Variants in DEUP1 observed in about 807,000 individuals in gnomAD.
DEUP1 encodes deuterosome assembly protein 1, also known as coiled-coil domain containing 67.
DEUP1 carries 82 observed loss-of-function variants against 87.4 expected under a neutral mutation model. That is an observed-to-expected ratio of 0.94 (90% confidence interval 0.78 to 1.13). The LOEUF (loss-of-function observed/expected upper bound fraction) is 1.13, where lower values mean the gene tolerates loss of function less well. Ranked by LOEUF, DEUP1 falls within the 50% of genes most tolerant of loss-of-function variation. The probability of loss-of-function intolerance (pLI) is 0.00; values close to 1 mark genes in which losing one functional copy is unlikely to be tolerated. For missense variants in DEUP1, 663 were observed against 681.5 expected, an observed-to-expected ratio of 0.97 and a Z score of 0.30; for synonymous variants, 214 against 222.7, an observed-to-expected ratio of 0.96 and a Z score of 0.35.
At chr11:93,414,405 C>A (rs1004358582) in intron 12 of DEUP1, among the ~76,000 whole-genome samples, 1 of 152,144 alleles carries the variant, frequency 6.6e-6, no homozygotes, top group Admixed American at 6.5e-5. Flanking sequence ...CCCAGCTACT[C>A]AGGAGACAGG....
chr11:93,409,639 C>G (rs1591242920), intron 12 of DEUP1, among the ~76,000 whole-genome samples: 2 of 152,240 alleles, frequency 1.3e-5, no homozygotes, highest in African/African-American at 4.8e-5. Flanking sequence ...AACATTTGCT[C>G]ATAAGCTCAT....
chr11:93,341,141 G>T (rs1405521555), intron 2 of DEUP1, among the ~76,000 whole-genome samples: 3 of 152,136 alleles, frequency 2.0e-5, no homozygotes, highest in Non-Finnish European at 4.4e-5. Context: ...GTGTAGGCTG[G>T]GCATGGTGGC....
chr11:93,399,017 C>G (rs1251791973), intron 11 of DEUP1, among the ~76,000 whole-genome samples: 2 of 152,098 alleles, frequency 1.3e-5, no homozygotes. Flanking sequence ...GCCACCCCGT[C>G]CACCCTCATG....
intron 9 of DEUP1, among the ~76,000 whole-genome samples, chr11:93,392,283 T>C (rs1401949338): frequency 6.6e-6 from 1 of 152,208 alleles, no homozygotes; most frequent in African/African-American, 2.4e-5. Context: ...TTCCACACCT[T>C]CCAGGACCCT....
intron 7 of DEUP1, 147 bp from the exon 8 acceptor site, chr11:93,385,251 A>G: frequency 1.4e-6 from 1 of 731,366 alleles, no homozygotes; most frequent in Non-Finnish European, 2.2e-6. Flanking sequence ...AAATGAAGGA[A>G]TGGAATTCTA....
intron 2 of DEUP1, among the ~76,000 whole-genome samples, chr11:93,355,025 C>CT (rs1354459795): frequency 6.6e-6 from 1 of 152,164 alleles, no homozygotes; most frequent in Non-Finnish European, 1.5e-5. Context: ...CAGTTTGCCT[C>CT]TGTCAAACCT....
intron 6 of DEUP1, 59 bp from the exon 7 acceptor site, chr11:93,370,979 T>G: frequency 6.9e-7 from 1 of 1,451,468 alleles, no homozygotes; most frequent in Non-Finnish European, 9.4e-7. Context: ...TTCTTGAACT[T>G]CATGTAAGCT....
intron 2 of DEUP1, among the ~76,000 whole-genome samples, chr11:93,335,049 A>T (rs770884884): frequency 2.6e-5 from 4 of 152,198 alleles, no homozygotes; most frequent in Admixed American, 6.5e-5. Flanking sequence ...TTTAAATAAT[A>T]AAAGCATGTA....
chr11:93,408,112 C>A, intron 11 of DEUP1, 119 bp from the exon 12 acceptor site: 1 of 683,442 alleles, frequency 1.5e-6, no homozygotes, highest in Non-Finnish European at 2.4e-6. Flanking sequence ...AGCAAGAGTA[C>A]AGCCACATCA....
At position 93,371,131 on chromosome 11, in the gene DEUP1, G is replaced by T. The variant is rs772185829; in HGVS notation, c.640G>T (p.Asp214Tyr). The T allele has an allele frequency of 6.2e-7, 1 of 1,613,100 alleles. No individual in the cohort carries two copies. The highest frequency in any genetic ancestry group is 1.1e-5 in the South Asian group (1 of 90,926). Residue 214 changes from aspartate (D) to tyrosine (Y), a missense_variant, in exon 7 of 14, where the codon GAT becomes TAT. By Grantham distance (160) the Asp-to-Tyr change is radical. Coordinates refer to ENST00000298050, the MANE Select transcript of DEUP1 (RefSeq NM_181645.4). ...SEIPRLICDPDPNCEINERDE... is the reference protein window; with the variant it reads ...SEIPRLICDPYPNCEINERDE... ...AATTCCTCGTTTGATATGTGACCCA[G>T]ATCCCAATTGTGAAATCAATGAAAG...
At position 93,400,285 on chromosome 11, in the gene DEUP1, T is replaced by G. The variant is rs931317346; in HGVS notation, c.1326+3960T>G. Among the ~76,000 whole-genome samples, 3 of 152,292 alleles carry G rather than the reference T, an allele frequency of 2.0e-5. No individual in the cohort carries two copies. In the South Asian group the frequency reaches 6.2e-4, roughly 32 times the overall value. ...ATTCAAGGTGTCAGCAGGGCTATGCTCTCTCTGAAACCTGTAGAAGAGAAT... is the reference window on the plus strand; with the variant it reads ...ATTCAAGGTGTCAGCAGGGCTATGCGCTCTCTGAAACCTGTAGAAGAGAAT... On this transcript the variant is annotated intron_variant, in intron 11 of 13. Transcript: ENST00000298050.
In DEUP1 at chr11:93,370,111, GATATT is replaced by G; in HGVS notation, c.476_480del (p.Leu159SerfsTer16). ...AGTCAAGAGAATGGGACAAGCAAGA[GATATT>G]ATATCAGACTCATCTGATTTCTTTA... is the stretch of plus-strand genomic sequence containing the variant. On this transcript the variant is annotated frameshift_variant, in exon 6 of 14. Transcript: ENST00000298050. LOFTEE classifies it high-confidence loss of function. The G allele has an allele frequency of 6.2e-7, 1 of 1,607,600 alleles. No individual in the cohort carries two copies. The highest frequency in any genetic ancestry group is 8.5e-7 in the Non-Finnish European group (1 of 1,176,110).
intron 2 of DEUP1, among the ~76,000 whole-genome samples, chr11:93,349,045 T>C (rs887503236): frequency 2.0e-5 from 3 of 152,200 alleles, no homozygotes; most frequent in Admixed American, 1.3e-4. Flanking sequence ...TAGCCTACCC[T>C]CTGCAAGTCT....
chr11:93,414,069 C>G (rs949444242), intron 12 of DEUP1, among the ~76,000 whole-genome samples: 3 of 152,132 alleles, frequency 2.0e-5, no homozygotes, highest in Admixed American at 6.6e-5. Context: ...ACTCTCATAA[C>G]AACCCTTTTA....
rs1218164921 is a variant in DEUP1, at chr11:93,392,997, CCTT to C, written c.1042-1458_1042-1456del. ...TCCTCCTCCGAGCCCTCCTCCTCCTCCTTCTTTCTCCTCCTCCTCCTCTGAGCC... is the reference window on the plus strand; with the variant it reads ...TCCTCCTCCGAGCCCTCCTCCTCCTCCTTTCTCCTCCTCCTCCTCTGAGCC... On this transcript the variant is annotated intron_variant, in intron 9 of 13. Coordinates refer to ENST00000298050, the MANE Select transcript of DEUP1 (RefSeq NM_181645.4). Among the ~76,000 whole-genome samples, 7 of 147,208 alleles carry C rather than the reference CCTT, an allele frequency of 4.8e-5. No individual in the cohort carries two copies. The East Asian group carries it at 8.1e-4, about 17-fold the overall frequency.
At chr11:93,393,159 C>A (rs192579909) in intron 9 of DEUP1, among the ~76,000 whole-genome samples, 1 of 140,822 alleles carries the variant, frequency 7.1e-6, no homozygotes, top group Admixed American at 7.7e-5. Context: ...GCAATCAGGG[C>A]CTACTGCAGC....
chr11:93,373,611 A>ATATGTG (rs1461633018), intron 7 of DEUP1, among the ~76,000 whole-genome samples: 23 of 90,638 alleles, frequency 2.5e-4, no homozygotes, highest in Admixed American at 6.1e-4. Context: ...ATATTTATAT[A>ATATGTG]TGTATATATA....
rs1946941756 is a variant in DEUP1, at chr11:93,396,247, T to C, written c.1248T>C (p.Asp416=). The C allele has an allele frequency of 6.4e-7, 1 of 1,564,506 alleles. No individual in the cohort carries two copies. The highest frequency in any genetic ancestry group is 1.4e-5 in the African/African-American group (1 of 73,434). ...EKMLAKQKVS[D]MKYKAVRTEN... ...TTATCTGCTAATTTCAGGTCTCAGA[T>C]ATGAAATATAAAGCTGTCAGAACTG... Residue 416 remains aspartate (D), a synonymous_variant, in exon 11 of 14, where the codon GAT becomes GAC. Transcript: ENST00000298050.
chr11:93,383,750 C>T (rs1353548127), intron 7 of DEUP1: 1 of 456,262 alleles, frequency 2.2e-6, no homozygotes, highest in Non-Finnish European at 3.9e-6. Flanking sequence ...ATAGCCTTTA[C>T]TAGCAGAGAA....
Sources: gnomAD v4.1 joint callset for allele counts (sites outside exome capture counted in the v4.1 genomes callset) on GRCh38, gnomAD v4.1.1 for gene constraint, MANE v1.5 for transcripts, NCBI Gene and HGNC (gene_info 2026-07-23, HGNC 2026-07-21) for gene names.